Variants in FBN1 observed in about 807,000 individuals in gnomAD.
The protein encoded by FBN1 is fibrillin-1.
Under a neutral mutation model 365.1 loss-of-function variants are expected in FBN1, and 29 were observed. That is an observed-to-expected ratio of 0.08 (90% CI 0.06 to 0.11). The LOEUF (loss-of-function observed/expected upper bound fraction) is 0.11, where lower values mean the gene tolerates loss of function less well. Ranked by LOEUF, FBN1 falls within the 10% of genes least tolerant of loss-of-function variation. The pLI, the probability that FBN1 is intolerant of heterozygous loss-of-function variation, is 1.00. For missense variants in FBN1, 2,476 were observed against 3,703.2 expected (o/e 0.67, Z 8.60); for synonymous variants, 1,210 against 1,270.5 (o/e 0.95, Z 1.01).
chr15:48,644,274 T>C lies in FBN1; in HGVS notation c.164+332A>G, dbSNP rs531878403. The C allele has an allele frequency of 9.9e-4, 329 of 331,152 alleles. 2 individuals carry two copies. The highest frequency in any genetic ancestry group is 6.8e-3 in the Admixed American group (170 of 25,096). 20.5% of individuals were successfully genotyped at this position (331,152 alleles called of 1,614,324 possible). On this transcript the variant is annotated intron_variant, in intron 2 of 65. Transcript: ENST00000316623. ...TTCCTCTAGAAACAACCAGAATTGATATTGCAGGGAAAGGAACGGGCTTCT... is the reference window on the plus strand; with the variant it reads ...TTCCTCTAGAAACAACCAGAATTGACATTGCAGGGAAAGGAACGGGCTTCT...
At chr15:48,497,121 A>G (rs2043614644) in intron 19 of FBN1, 145 bp downstream of exon 19, 3 of 866,088 alleles carry the variant, frequency 3.5e-6, no homozygotes, top group Non-Finnish European at 5.8e-6. Context: ...GTTACTAAAG[A>G]TATGTATATG....
Position 48,522,304 on chromosome 15 carries a change from AAATT to A in FBN1, c.989-1491_989-1488del, listed in dbSNP as rs1483792658. Among the ~76,000 whole-genome samples, 6 of 152,208 alleles carry A rather than the reference AAATT, an allele frequency of 3.9e-5. No individual in the cohort carries two copies. In the South Asian group the frequency reaches 6.2e-4, roughly 16 times the overall value. On this transcript the variant is annotated intron_variant, in intron 9 of 65. Coordinates refer to ENST00000316623, the MANE Select transcript of FBN1 (RefSeq NM_000138.5). The stretch of plus-strand genomic sequence containing the variant: ...TTTAATACACTTTATTGTGTATAAT[AAATT>A]AATATTGTGTATTAATTTAATTAAT...
chr15:48,505,179 A>C, intron 15 of FBN1, 32 bp from the exon 16 acceptor site: 1 of 1,613,724 alleles, frequency 6.2e-7, no homozygotes. Context: ...ATTAAAAATG[A>C]AGTGACATTT....
At chr15:48,622,012 G>GA (rs1207855429) in intron 2 of FBN1, among the ~76,000 whole-genome samples, 2 of 149,824 alleles carry the variant, frequency 1.3e-5, no homozygotes, top group African/African-American at 4.9e-5. Flanking sequence ...AAAAAAAAAA[G>GA]AAAAAAATTG....
At chr15:48,629,358 CAG>C (rs1426273560) in intron 2 of FBN1, among the ~76,000 whole-genome samples, 2 of 151,862 alleles carry the variant, frequency 1.3e-5, no homozygotes, top group Non-Finnish European at 2.9e-5. Flanking sequence ...GAAAAACTGA[CAG>C]GGGGACAATC....
At position 48,483,835 on chromosome 15, in the gene FBN1, T is replaced by C; in HGVS notation, c.3821A>G (p.Asp1274Gly). ...LCYDGFMASE[D>G]MKTCVDVNEC... is the part of the protein sequence containing the mutation. ...TTGCTTACCTACACAAGTCTTCATGTCTTCAGATGCCATGAATCCATCATA... is the reference window on the plus strand; with the variant it reads ...TTGCTTACCTACACAAGTCTTCATGCCTTCAGATGCCATGAATCCATCATA... Residue 1274 changes from aspartate (D) to glycine (G), a missense_variant, in exon 31 of 66, where the codon GAC becomes GGC. This residue lies in a region of FBN1 where 1,780 missense variants were observed against 2,840.8 expected (regional missense o/e 0.63). Transcript: ENST00000316623. 6.2e-7 allele frequency: 1 copy of C among 1,613,788 alleles called. No individual in the cohort carries two copies.
At chr15:48,633,575 C>T (rs547994129) in intron 2 of FBN1, among the ~76,000 whole-genome samples, 44 of 152,262 alleles carry the variant, frequency 2.9e-4, no homozygotes, top group African/African-American at 9.1e-4. Flanking sequence ...AAGTCCCATC[C>T]CACCCAATCC....
intron 53 of FBN1, among the ~76,000 whole-genome samples, chr15:48,435,778 G>GTATATATATGTATA (rs1299471206): frequency 0.024 from 3,389 of 141,156 alleles, 244 homozygotes; most frequent in East Asian, 0.23. Context: ...GTATATGTGT[G>GTATATATATGTATA]TGTGTGTGTG....
In FBN1 at chr15:48,590,441, T is replaced by G. The variant is rs150018082; in HGVS notation, c.538+5842A>C. Among the ~76,000 whole-genome samples, 20 of 152,364 alleles carry G rather than the reference T, an allele frequency of 1.3e-4. 2 individuals are homozygous for G. The East Asian group carries it at 3.9e-3, about 29-fold the overall frequency. ...ATGCTGCCTTTTTGGATTTATATAATATGTGTTTATCAACTGCTTAATGTA... is the reference window on the plus strand; with the variant it reads ...ATGCTGCCTTTTTGGATTTATATAAGATGTGTTTATCAACTGCTTAATGTA... On this transcript the variant is annotated intron_variant, in intron 6 of 65. Transcript: ENST00000316623.
At chr15:48,604,881 C>G (rs2044594463) in intron 4 of FBN1, among the ~76,000 whole-genome samples, 1 of 152,276 alleles carries the variant, frequency 6.6e-6, no homozygotes, top group Middle Eastern at 3.4e-3. Context: ...TTCTGCTGGC[C>G]TTCTTACACC....
At chr15:48,513,707 C>T in intron 12 of FBN1, 39 bp from the exon 13 acceptor site, 1 of 1,612,096 alleles carries the variant, frequency 6.2e-7, no homozygotes, top group Non-Finnish European at 8.5e-7. Context: ...AATTACATAG[C>T]AATACCTCAT....
chr15:48,527,314 A>G (rs1260789855), intron 8 of FBN1, among the ~76,000 whole-genome samples: 1 of 152,154 alleles, frequency 6.6e-6, no homozygotes, highest in East Asian at 1.9e-4. Context: ...GGTTTTCAAT[A>G]GCCTGACCCA....
At chr15:48,548,976 C>T (rs1038136312) in intron 6 of FBN1, among the ~76,000 whole-genome samples, 6 of 152,224 alleles carry the variant, frequency 3.9e-5, no homozygotes, top group African/African-American at 1.4e-4. Flanking sequence ...TAAAATACAT[C>T]ATATTCGCCA....
intron 8 of FBN1, among the ~76,000 whole-genome samples, chr15:48,533,495 T>C (rs1195694235): frequency 2.0e-5 from 3 of 152,218 alleles, no homozygotes; most frequent in Admixed American, 6.5e-5. Context: ...TATATATTTG[T>C]AGAAGTTCAA....
At chr15:48,599,079 CCT>C (rs1227765843) in intron 5 of FBN1, among the ~76,000 whole-genome samples, 10 of 152,176 alleles carry the variant, frequency 6.6e-5, no homozygotes, top group Non-Finnish European at 1.3e-4. Context: ...GTCCAATAAA[CCT>C]CTTTCTTTTA....
At chr15:48,534,043 A>C in intron 8 of FBN1, 37 bp downstream of exon 8, 1 of 1,578,830 alleles carries the variant, frequency 6.3e-7, no homozygotes, top group Non-Finnish European at 8.6e-7. Context: ...GCCTGCCCCC[A>C]CTACACCCCC....
chr15:48,451,834 A>G (rs148184375), intron 45 of FBN1, among the ~76,000 whole-genome samples: 2 of 152,332 alleles, frequency 1.3e-5, no homozygotes, highest in East Asian at 3.9e-4. Flanking sequence ...GCAGTCTTTT[A>G]AATTTTCACA....
At chr15:48,532,489 T>C (rs1370323950) in intron 8 of FBN1, among the ~76,000 whole-genome samples, 1 of 149,250 alleles carries the variant, frequency 6.7e-6, no homozygotes, top group Non-Finnish European at 1.5e-5. Flanking sequence ...TGTGTGTGTG[T>C]GTATATATAT....
chr15:48,603,162 A>T (rs986989960), intron 4 of FBN1, among the ~76,000 whole-genome samples: 1 of 152,226 alleles, frequency 6.6e-6, no homozygotes, highest in African/African-American at 2.4e-5. Flanking sequence ...TCCCTGATAT[A>T]TATTTTTTAC....
Sources: allele counts gnomAD v4.1 joint callset (sites outside exome capture counted in the v4.1 genomes callset), GRCh38; gene constraint gnomAD v4.1.1; regional missense constraint gnomAD v4.1.1; transcripts MANE v1.5; gene names NCBI Gene and HGNC (gene_info 2026-07-23, HGNC 2026-07-21).